LINGO2: variants seen among roughly 807,000 people sequenced by gnomAD.
LINGO2 encodes the protein leucine rich repeat and Ig domain containing 2, also known as leucine-rich repeat and immunoglobulin-like domain-containing nogo receptor-interacting protein 2.
A neutral mutation model predicts 30.6 loss-of-function variants in LINGO2; 14 were observed. The observed-to-expected ratio is 0.46, with a 90% CI of 0.30 to 0.72. The LOEUF (loss-of-function observed/expected upper bound fraction) is 0.72. Ranked by LOEUF, LINGO2 falls within the 30% of genes least tolerant of loss-of-function variation. The pLI, the probability that LINGO2 is intolerant of heterozygous loss-of-function variation, is 0.07. For synonymous variants in LINGO2, 317 were observed against 288.5 expected (o/e 1.10, Z -1.00); for missense variants, 729 against 751.7 (o/e 0.97, Z 0.35).
At position 28,171,533 on chromosome 9, in the gene LINGO2, A is replaced by T. The variant is rs557726020; in HGVS notation, c.-87+123675T>A. Among the ~76,000 whole-genome samples the T allele has an allele frequency of 1.6e-3, 240 of 152,324 alleles. 1 individual carries two copies. The highest frequency in any genetic ancestry group is 5.7e-3 in the African/African-American group (235 of 41,572). On this transcript the variant is annotated intron_variant, in intron 4 of 5. Transcript: ENST00000379992. ...GGAAGCTCTCAAGAACACTAAAAAA[A>T]TGAAGCACCTTAAGGGCATGGACAG...
the LINGO2 span, among the ~76,000 whole-genome samples, chr9:29,082,839 T>C: frequency 3.9e-5 from 6 of 152,112 alleles, no homozygotes; most frequent in Non-Finnish European, 8.8e-5. Context: ...AAAATGCTCA[T>C]CATCACTGGC....
At chr9:28,199,538 C>T (rs1193766417) in intron 4 of LINGO2, among the ~76,000 whole-genome samples, 1 of 152,050 alleles carries the variant, frequency 6.6e-6, no homozygotes, top group Non-Finnish European at 1.5e-5. Flanking sequence ...CGAGGTTTCA[C>T]CGTGTTAGCC....
At chr9:28,169,802 G>C (rs550683567) in intron 4 of LINGO2, among the ~76,000 whole-genome samples, 1 of 152,294 alleles carries the variant, frequency 6.6e-6, no homozygotes, top group South Asian at 2.1e-4. Flanking sequence ...TCCCAGATGA[G>C]AGAAAGAGTA....
At chr9:28,865,410 G>C in the LINGO2 span, among the ~76,000 whole-genome samples, 1 of 152,162 alleles carries the variant, frequency 6.6e-6, no homozygotes, top group Non-Finnish European at 1.5e-5. Flanking sequence ...ACCTCTTGAA[G>C]AATCAGGCCA....
chr9:29,064,793 T>C, the LINGO2 span, among the ~76,000 whole-genome samples: 3 of 152,138 alleles, frequency 2.0e-5, no homozygotes, highest in Non-Finnish European at 4.4e-5. Flanking sequence ...TTGATTATTA[T>C]AAGTCAAGGG....
intron 1 of LINGO2, among the ~76,000 whole-genome samples, chr9:28,642,383 C>A (rs188262452): frequency 6.6e-6 from 1 of 152,214 alleles, no homozygotes; most frequent in East Asian, 1.9e-4. Flanking sequence ...CATCTTAATT[C>A]TACCCTGCTG....
the LINGO2 span, among the ~76,000 whole-genome samples, chr9:29,132,117 A>T: frequency 2.0e-5 from 3 of 151,930 alleles, no homozygotes; most frequent in African/African-American, 4.8e-5. Context: ...CCCAATAGGT[A>T]GGGAGTGTGC....
At chr9:28,884,175 C>A in the LINGO2 span, among the ~76,000 whole-genome samples, 1 of 47,494 alleles carries the variant, frequency 2.1e-5, no homozygotes, top group African/African-American at 6.3e-5. Flanking sequence ...AATATTTTTT[C>A]ACTGTTATTT....
chr9:27,948,236 C>T (rs952050543), exon 6 of LINGO2: 4 of 152,194 alleles, frequency 2.6e-5, no homozygotes, highest in African/African-American at 9.7e-5. Context: ...GTCTCAGGGT[C>T]ATCTGTAGGT....
chr9:28,470,624 A>C (rs1165905635), intron 2 of LINGO2, among the ~76,000 whole-genome samples: 1 of 152,112 alleles, frequency 6.6e-6, no homozygotes, highest in African/African-American at 2.4e-5. Context: ...TTCCCAACAC[A>C]CGAATGGGGT....
the LINGO2 span, among the ~76,000 whole-genome samples, chr9:28,992,833 C>T: frequency 2.0e-5 from 3 of 151,958 alleles, no homozygotes; most frequent in African/African-American, 7.3e-5. Flanking sequence ...GAAGACACAA[C>T]ATACCAGAAT....
At chr9:28,082,090 A>G (rs1219351504) in intron 4 of LINGO2, among the ~76,000 whole-genome samples, 4 of 152,164 alleles carry the variant, frequency 2.6e-5, no homozygotes, top group Non-Finnish European at 5.9e-5. Context: ...TCACACTCTC[A>G]ACTTTGTTTC....
chr9:28,742,127 C>T, the LINGO2 span, among the ~76,000 whole-genome samples: 2 of 152,056 alleles, frequency 1.3e-5, no homozygotes, highest in East Asian at 3.9e-4. Flanking sequence ...CTATGGTGAA[C>T]CTGGTCTTGG....
the LINGO2 span, among the ~76,000 whole-genome samples, chr9:28,716,759 C>A: frequency 6.6e-6 from 1 of 151,930 alleles, no homozygotes; most frequent in Non-Finnish European, 1.5e-5. Context: ...GATATAGCAA[C>A]CCAAAATTTT....
rs16912820 is a variant in LINGO2 at position 28,393,425 on chromosome 9, C to A, written c.-278-20557G>T. Among the ~76,000 whole-genome samples, 562 of 152,298 alleles carry A rather than the reference C, an allele frequency of 3.7e-3. 4 individuals carry two copies. The highest frequency in any genetic ancestry group is 0.013 in the African/African-American group (539 of 41,568). ...GAAAGAGAGTTATTAAGCTGGTAAA[C>A]CAGACTGAACAGGCAGTACTTAAGC... On this transcript the variant is annotated intron_variant, in intron 2 of 5. Coordinates refer to ENST00000379992, the Ensembl canonical transcript of LINGO2.
the LINGO2 span, chr9:27,937,741 C>G: frequency 1.2e-4 from 18 of 152,058 alleles, no homozygotes; most frequent in Admixed American, 5.9e-4. Flanking sequence ...CCTCCCACCC[C>G]TATATTTTAA....
intron 1 of LINGO2, among the ~76,000 whole-genome samples, chr9:28,511,307 C>T (rs962747429): frequency 4.6e-5 from 7 of 152,172 alleles, no homozygotes; most frequent in African/African-American, 1.7e-4. Flanking sequence ...ATATAATCAA[C>T]CTGCCACCAG....
At chr9:28,790,453 G>C in the LINGO2 span, among the ~76,000 whole-genome samples, 2 of 149,056 alleles carry the variant, frequency 1.3e-5, no homozygotes, top group African/African-American at 4.9e-5. Context: ...CTCAGCCTCT[G>C]GAGTAGCTGG....
the LINGO2 span, among the ~76,000 whole-genome samples, chr9:28,875,709 T>C: frequency 6.6e-6 from 1 of 152,134 alleles, no homozygotes. Context: ...TTTGGATTTG[T>C]CTGCTTGTTT....
Sources: allele counts gnomAD v4.1 joint callset (sites outside exome capture counted in the v4.1 genomes callset), GRCh38; gene constraint gnomAD v4.1.1; transcripts MANE v1.5; gene names NCBI Gene and HGNC (gene_info 2026-07-23, HGNC 2026-07-21).